Variants in PSD3 observed in about 807,000 individuals in gnomAD.
PSD3 encodes the protein PH and SEC7 domain-containing protein 3.
Under a neutral mutation model 105.5 loss-of-function variants are expected in PSD3, and 49 were observed. The ratio of observed to expected loss-of-function variants is 0.46; its 90% CI spans 0.37 to 0.59. The LOEUF is 0.59. Ranked by LOEUF, PSD3 falls within the 20% of genes least tolerant of loss-of-function variation. PSD3 has a pLI of 0.00. For synonymous variants in PSD3, 557 were observed against 457.8 expected (o/e 1.22, Z -2.77); for missense variants, 1,561 against 1,263.8 (o/e 1.24, Z -3.57).
chr8:18,590,278 G>A (rs776787366), intron 12 of PSD3, among the ~76,000 whole-genome samples: 17 of 152,114 alleles, frequency 1.1e-4, no homozygotes, highest in East Asian at 5.8e-4. Flanking sequence ...TGGTGCAAGC[G>A]TGCATACCAT....
chr8:18,793,381 AAC>A (rs1491229275), intron 8 of PSD3, among the ~76,000 whole-genome samples: 1 of 151,208 alleles, frequency 6.6e-6, no homozygotes, highest in Non-Finnish European at 1.5e-5. Flanking sequence ...AGAAAAAAAA[AAC>A]AAAACAAAAC....
intron 11 of PSD3, among the ~76,000 whole-genome samples, chr8:18,613,023 C>A (rs886762362): frequency 6.6e-6 from 1 of 151,846 alleles, no homozygotes; most frequent in Non-Finnish European, 1.5e-5. Flanking sequence ...CAGGTCAGAA[C>A]ACAAGAGCAT....
At chr8:19,003,244 C>T (rs1031301031) in intron 1 of PSD3, among the ~76,000 whole-genome samples, 5 of 151,838 alleles carry the variant, frequency 3.3e-5, no homozygotes, top group African/African-American at 9.7e-5. Context: ...ACAATGGCAC[C>T]CCTGTAGTTC....
chr8:18,857,637 T>C (rs1473445836), intron 4 of PSD3, among the ~76,000 whole-genome samples: 2 of 152,158 alleles, frequency 1.3e-5, no homozygotes, highest in Non-Finnish European at 1.5e-5. Flanking sequence ...CTTTGCTCCA[T>C]GGACCACCGT....
chr8:18,927,695 G>A (rs1394744467), intron 2 of PSD3, among the ~76,000 whole-genome samples: 3 of 152,150 alleles, frequency 2.0e-5, no homozygotes, highest in African/African-American at 2.4e-5. Context: ...GAGAAAGTCC[G>A]AACCCTCCAA....
intron 12 of PSD3, among the ~76,000 whole-genome samples, chr8:18,591,843 G>C (rs1356443003): frequency 6.6e-6 from 1 of 152,118 alleles, no homozygotes; most frequent in Non-Finnish European, 1.5e-5. Flanking sequence ...CAGATAACTT[G>C]CAGTGTTGCA....
chr8:18,947,403 C>A (rs1822935940), intron 1 of PSD3, among the ~76,000 whole-genome samples: 1 of 152,206 alleles, frequency 6.6e-6, no homozygotes, highest in South Asian at 2.1e-4. Flanking sequence ...GAATTCATGG[C>A]CTTGTTAAAA....
At chr8:18,870,621 T>C (rs1817266570) in intron 3 of PSD3, among the ~76,000 whole-genome samples, 1 of 151,006 alleles carries the variant, frequency 6.6e-6, no homozygotes, top group Non-Finnish European at 1.5e-5. Flanking sequence ...ATGGCACATG[T>C]ATACTTATGT....
intron 9 of PSD3, among the ~76,000 whole-genome samples, chr8:18,703,682 T>C (rs540138776): frequency 1.3e-5 from 2 of 152,316 alleles, no homozygotes; most frequent in Admixed American, 6.5e-5. Flanking sequence ...GCTGTTAATA[T>C]TTCCGAGAAG....
In PSD3 at chr8:18,799,571, C is replaced by A. The variant is rs113506464; in HGVS notation, c.2024-218G>T. On this transcript the variant is annotated intron_variant, in intron 7 of 15. Transcript: ENST00000327040. ...CACTGTTGATAAGTTGTTCTTACCT[C>A]TCTGGAGGACAGTTTGGTAGTAGAT... 2.6e-5 allele frequency among the ~76,000 whole-genome samples: 4 copies of A among 152,308 alleles called. 1 individual carries two copies. The highest frequency in any genetic ancestry group is 9.6e-5 in the African/African-American group (4 of 41,576).
In PSD3 at chr8:18,713,397, G is replaced by A. The variant is rs1459354744; in HGVS notation, c.2172+52052C>T. On this transcript the variant is annotated intron_variant, in intron 9 of 15. Coordinates refer to ENST00000327040, the MANE Select transcript of PSD3 (RefSeq NM_015310.4). The stretch of plus-strand genomic sequence containing the variant: ...TCTAGAAAACACCATTATCTCAGCT[G>A]AAAAGCTTCTTTACCTGATAAGTCA... 2.0e-5 allele frequency among the ~76,000 whole-genome samples: 3 copies of A among 152,232 alleles called. No homozygotes were observed. The East Asian group carries it at 5.8e-4, about 29-fold the overall frequency.
chr8:18,898,603 G>C (rs1021710628), intron 2 of PSD3, among the ~76,000 whole-genome samples: 3 of 152,072 alleles, frequency 2.0e-5, no homozygotes, highest in African/African-American at 7.2e-5. Flanking sequence ...GCCTACTATT[G>C]ACTAGAAGTC....
chr8:18,624,524 T>C (rs1806340869), intron 11 of PSD3, among the ~76,000 whole-genome samples: 1 of 107,600 alleles, frequency 9.3e-6, no homozygotes, highest in South Asian at 3.3e-4. Flanking sequence ...CATCACACTC[T>C]GGGGACTGTT....
chr8:18,980,167 G>A (rs138735664), intron 1 of PSD3, among the ~76,000 whole-genome samples: 2 of 152,182 alleles, frequency 1.3e-5, no homozygotes, highest in East Asian at 1.9e-4. Context: ...TGGAAGGCAC[G>A]AGGTATGTGA....
At chr8:19,066,773 T>C (rs1335546917) in intron 1 of PSD3, among the ~76,000 whole-genome samples, 1 of 152,206 alleles carries the variant, frequency 6.6e-6, no homozygotes, top group Non-Finnish European at 1.5e-5. Flanking sequence ...GCACACAACA[T>C]GCCCACCCAC....
chr8:19,026,810 C>A (rs1404793269), intron 1 of PSD3, among the ~76,000 whole-genome samples: 2 of 151,400 alleles, frequency 1.3e-5, no homozygotes, highest in East Asian at 3.9e-4. Context: ...GAGTTTGAAG[C>A]TGCAGTGAGC....
At chr8:18,551,989 A>G (rs1800798347) in intron 15 of PSD3, among the ~76,000 whole-genome samples, 1 of 152,240 alleles carries the variant, frequency 6.6e-6, no homozygotes, top group African/African-American at 2.4e-5. Context: ...TATATTAATA[A>G]CAGGCAATGG....
chr8:18,638,800 A>G (rs1345479709), intron 10 of PSD3, among the ~76,000 whole-genome samples: 6 of 152,222 alleles, frequency 3.9e-5, no homozygotes, highest in Non-Finnish European at 4.4e-5. Flanking sequence ...TCAGCAAAAA[A>G]TCAAAGCTGG....
chr8:18,903,539 A>G (rs1192390244), intron 2 of PSD3, among the ~76,000 whole-genome samples: 3 of 152,160 alleles, frequency 2.0e-5, no homozygotes, highest in Non-Finnish European at 2.9e-5. Flanking sequence ...CGGAAGCAGG[A>G]TACAAGAGCT....
Sources: gnomAD v4.1 joint callset for allele counts (sites outside exome capture counted in the v4.1 genomes callset) on GRCh38, gnomAD v4.1.1 for gene constraint, MANE v1.5 for transcripts, NCBI Gene and HGNC (gene_info 2026-07-23, HGNC 2026-07-21) for gene names.